The following DBNL variants were observed in gnomAD, a reference collection of about 807,000 sequenced individuals.
DBNL encodes drebrin-like protein.
Under a neutral mutation model 62.2 loss-of-function variants are expected in DBNL, and 35 were observed. The observed-to-expected ratio is 0.56, with a 90% CI of 0.43 to 0.75. The LOEUF (loss-of-function observed/expected upper bound fraction) is 0.75. Among genes scored for constraint, DBNL ranks in the 30% least tolerant of loss-of-function variants. The probability of loss-of-function intolerance (pLI) is 0.00; values close to 1 mark genes in which losing one functional copy is unlikely to be tolerated. For missense variants in DBNL, 495 were observed against 578.4 expected (o/e 0.86, Z 1.48); for synonymous variants, 197 against 218.0 (o/e 0.90, Z 0.85).
At chr7:44,056,170 C>T (rs752958494) in intron 4 of DBNL, among the ~76,000 whole-genome samples, 1 of 151,850 alleles carries the variant, frequency 6.6e-6, no homozygotes, top group Non-Finnish European at 1.5e-5. Flanking sequence ...ATGAAGGAGA[C>T]CGTCCTTTCC....
In DBNL at chr7:44,058,299, C is replaced by G. The variant is rs763610905; in HGVS notation, c.704+19C>G. On this transcript the variant is annotated intron_variant, in intron 7 of 12. Coordinates refer to ENST00000448521, the MANE Select transcript of DBNL (RefSeq NM_001014436.3). The stretch of plus-strand genomic sequence containing the variant: ...CCCAGAGGTGAGCCAGAGGTGGAGG[C>G]TGGCCTGGGGGACCCACCCTGAGGC... 1.1e-5 allele frequency: 18 copies of G among 1,576,498 alleles called. No homozygotes were observed. The highest frequency in any genetic ancestry group is 1.5e-5 in the Non-Finnish European group (17 of 1,160,466).
intron 5 of DBNL, 38 bp downstream of exon 5, chr7:44,056,941 T>C (rs1388560257): frequency 1.2e-6 from 2 of 1,611,392 alleles, no homozygotes; most frequent in Non-Finnish European, 1.7e-6. Flanking sequence ...CTTTTGTTGC[T>C]CAGGGCCTGA....
Position 44,065,441 on chromosome 7 carries a change from A to G in DBNL, c.*4525A>G. On this transcript the variant is annotated 3_prime_UTR_variant, in exon 13 of 13. Transcript: ENST00000448521. The stretch of plus-strand genomic sequence containing the variant: ...GGCCTCCTCGGTCCCCTTTTCACTC[A>G]GCTCTGCATCGAACCAGCCACAGAA... 1 of 1,614,008 alleles carries G rather than the reference A, an allele frequency of 6.2e-7. No homozygotes were observed.
In DBNL at chr7:44,064,801, A is replaced by AG; in HGVS notation, c.*3885_*3886insG. On this transcript the variant is annotated 3_prime_UTR_variant, in exon 13 of 13. Coordinates refer to ENST00000448521, the MANE Select transcript of DBNL (RefSeq NM_001014436.3). The stretch of plus-strand genomic sequence containing the variant: ...AGCCAGCTGGGGCTGCTGCCCACCC[A>AG]CCCTGCCCAGGCTCCTGAAGGTGGC... 2.8e-6 allele frequency: 2 copies of AG among 706,520 alleles called. No homozygotes were observed. The highest frequency in any genetic ancestry group is 1.8e-5 in the African/African-American group (1 of 54,138). The allele number at this position is 706,520 out of a possible 1,614,324, so 43.8% of individuals were successfully genotyped here.
chr7:44,062,775 T>G lies in DBNL; in HGVS notation c.*1859T>G, dbSNP rs758601502. On this transcript the variant is annotated 3_prime_UTR_variant, in exon 13 of 13. Transcript: ENST00000448521. Reference sequence around the variant, plus strand: ...CCCAAGCCCACCCCTCACTTGGCCTTGCCCTGGGCAGCCACAGCCTCCATG... The same window carrying G: ...CCCAAGCCCACCCCTCACTTGGCCTGGCCCTGGGCAGCCACAGCCTCCATG... The G allele has an allele frequency of 6.2e-7, 1 of 1,614,166 alleles. No homozygotes were observed. The highest frequency in any genetic ancestry group is 1.1e-5 in the South Asian group (1 of 91,084).
rs983956312 is a variant in DBNL at position 44,048,116 on chromosome 7, T to C, written c.84-2109T>C. On this transcript the variant is annotated intron_variant, in intron 1 of 12. Coordinates refer to ENST00000448521, the MANE Select transcript of DBNL (RefSeq NM_001014436.3). ...TTTTTAGTAGAGACGGGGTTTCCCA[T>C]GTTGGCCAGGCTGGTCTCAAACTCC... is the stretch of plus-strand genomic sequence containing the variant. Among the ~76,000 whole-genome samples the C allele has an allele frequency of 2.6e-5, 4 of 152,158 alleles. No homozygotes were observed. The South Asian group carries it at 8.3e-4, about 32-fold the overall frequency.
At chr7:44,049,002 A>AT (rs2096121891) in intron 1 of DBNL, among the ~76,000 whole-genome samples, 1 of 151,966 alleles carries the variant, frequency 6.6e-6, no homozygotes, top group African/African-American at 2.4e-5. Flanking sequence ...CTACGGGCAT[A>AT]TGCCACCACG....
Position 44,065,760 on chromosome 7 carries a change from T to C in DBNL, c.*4844T>C. 1.7e-6 allele frequency: 1 copy of C among 591,828 alleles called. No homozygotes were observed. Among genetic ancestry groups the C allele is most frequent in the Admixed American group, 2.8e-5 (1 of 35,554 alleles). The allele number at this position is 591,828 out of a possible 1,614,324, so 36.7% of individuals were successfully genotyped here. On this transcript the variant is annotated 3_prime_UTR_variant, in exon 13 of 13. Coordinates refer to ENST00000448521, the MANE Select transcript of DBNL (RefSeq NM_001014436.3). ...CCCACGCATCCACCAGCTCCTGGCC[T>C]GGGTTCAGGTGGCATGTCTATAACC...
At position 44,063,942 on chromosome 7, in the gene DBNL, G is replaced by C. The variant is rs930344158; in HGVS notation, c.*3026G>C. 9 of 152,058 alleles carry C rather than the reference G, an allele frequency of 5.9e-5. No individual in the cohort carries two copies. Among genetic ancestry groups the C allele is most frequent in the African/African-American group, 2.2e-4 (9 of 41,432 alleles). The allele number at this position is 152,058 out of a possible 1,614,324, so 9.4% of individuals were successfully genotyped here. A position where few individuals can be genotyped will look rare whatever the true frequency, so the allele number is the denominator to read the frequency against. On this transcript the variant is annotated 3_prime_UTR_variant, in exon 13 of 13. Coordinates refer to ENST00000448521, the MANE Select transcript of DBNL (RefSeq NM_001014436.3). ...TTCCCTCTGCCTGGCCCCAGTGCCAGGTGCCAGGTGTCCGTGTTTGGAGCG... is the reference window on the plus strand; with the variant it reads ...TTCCCTCTGCCTGGCCCCAGTGCCACGTGCCAGGTGTCCGTGTTTGGAGCG...
rs1354561927 is a variant in DBNL, at chr7:44,062,351, G to A, written c.*1435G>A. On this transcript the variant is annotated 3_prime_UTR_variant, in exon 13 of 13. Transcript: ENST00000448521. Reference sequence around the variant, plus strand: ...TCAAAGTGCCACCCGGGGGTTGCAAGGACAGCAGAGGACCACCTGCCCTCT... The same window carrying A: ...TCAAAGTGCCACCCGGGGGTTGCAAAGACAGCAGAGGACCACCTGCCCTCT... The A allele has an allele frequency of 1.2e-5, 3 of 245,634 alleles. No individual in the cohort carries two copies. Among genetic ancestry groups the A allele is most frequent in the Non-Finnish European group, 2.5e-5 (3 of 122,166 alleles). The allele number at this position is 245,634 out of a possible 1,614,324, so 15.2% of individuals were successfully genotyped here.
Position 44,065,068 on chromosome 7 carries a change from TC to T in DBNL, c.*4156del. ...CCAAGCCAGTGGGCCCCCACCCGAC[TC>T]CCCACTCTGCAGCTTCCCAGAGGCC... On this transcript the variant is annotated 3_prime_UTR_variant, in exon 13 of 13. Transcript: ENST00000448521. 2 of 1,611,338 alleles carry T rather than the reference TC, an allele frequency of 1.2e-6. No homozygotes were observed.
chr7:44,067,386 G>A lies in DBNL; in HGVS notation c.*6470G>A, dbSNP rs150815122. 4.4e-3 allele frequency: 672 copies of A among 152,300 alleles called. 6 individuals are homozygous for A. The highest frequency in any genetic ancestry group is 7.3e-3 in the Non-Finnish European group (499 of 68,046). The allele number at this position is 152,300 out of a possible 1,614,324, so 9.4% of individuals were successfully genotyped here. A position where few individuals can be genotyped will look rare whatever the true frequency, so the allele number is the denominator to read the frequency against. On this transcript the variant is annotated 3_prime_UTR_variant, in exon 13 of 13. Transcript: ENST00000448521. ...AGAAGCTGAGTACCCTGCAGGTCTCGGCAGCTTTGATGAGAACAAGGCCGC... is the reference window on the plus strand; with the variant it reads ...AGAAGCTGAGTACCCTGCAGGTCTCAGCAGCTTTGATGAGAACAAGGCCGC...
intron 1 of DBNL, 185 bp downstream of exon 1, chr7:44,045,005 C>A: frequency 1.9e-6 from 1 of 520,436 alleles, no homozygotes; most frequent in Non-Finnish European, 3.1e-6. Flanking sequence ...CTCGTGACCC[C>A]TTGCCCCGCC....
rs2096160832 is a variant in DBNL at position 44,066,756 on chromosome 7, G to A, written c.*5840G>A. ...TCTGTACCCAAAGGTTGGCAGACAA[G>A]TCCCAGTGGGCAAAGTCCTGTCGGC... On this transcript the variant is annotated 3_prime_UTR_variant, in exon 13 of 13. Transcript: ENST00000448521. 6.6e-6 allele frequency: 1 copy of A among 152,334 alleles called. No individual in the cohort carries two copies. Among genetic ancestry groups the A allele is most frequent in the Non-Finnish European group, 1.5e-5 (1 of 68,098 alleles). The allele number at this position is 152,334 out of a possible 1,614,324, so 9.4% of individuals were successfully genotyped here. A position where few individuals can be genotyped will look rare whatever the true frequency, so the allele number is the denominator to read the frequency against.
rs1447080572 is a variant in DBNL at position 44,065,652 on chromosome 7, C to T, written c.*4736C>T. On this transcript the variant is annotated 3_prime_UTR_variant, in exon 13 of 13. Transcript: ENST00000448521. ...GCCAACTGCCAATCAGCATTCCAGG[C>T]GGTGGCAGGTGACCAGTAGCTGAGC... 1.4e-5 allele frequency: 13 copies of T among 954,196 alleles called. No homozygotes were observed. Among genetic ancestry groups the T allele is most frequent in the African/African-American group, 6.4e-5 (4 of 62,578 alleles). The allele number at this position is 954,196 out of a possible 1,614,324, so 59.1% of individuals were successfully genotyped here.
chr7:44,057,542 C>T (rs1230718871), intron 5 of DBNL, among the ~76,000 whole-genome samples: 1 of 152,170 alleles, frequency 6.6e-6, no homozygotes, highest in Non-Finnish European at 1.5e-5. Flanking sequence ...CCACCAGAGA[C>T]CCCTCTAGTG....
rs2096113658 is a variant in DBNL, at chr7:44,044,758, G to T, written c.21G>T (p.Arg7=). 1.3e-6 allele frequency: 2 copies of T among 1,509,942 alleles called. No individual in the cohort carries two copies. Among genetic ancestry groups the T allele is most frequent in the Non-Finnish European group, 8.8e-7 (1 of 1,130,540 alleles). The allele number at this position is 1,509,942 out of a possible 1,614,324, so 93.5% of individuals were successfully genotyped here. The change falls in exon 1 of 13, where the codon CGG becomes CGT. Residue 7 remains arginine (R), a synonymous_variant. Transcript: ENST00000448521. MAANLS[R]NGPALQEAYV... is the part of the protein sequence containing the mutation. ...GGGCCATGGCGGCGAACCTGAGCCG[G>T]AACGGGCCAGCGCTGCAAGAGGCCT...
chr7:44,062,913 T>A lies in DBNL; in HGVS notation c.*1997T>A, dbSNP rs754757980. 5.0e-6 allele frequency: 8 copies of A among 1,614,186 alleles called. No individual in the cohort carries two copies. In the South Asian group the frequency reaches 8.8e-5, roughly 18 times the overall value. Reference sequence around the variant, plus strand: ...CCCGTGGGCAGGTTCAGCTCCATGATCGCCTGGTCTGACATCCCTATGCCG... The same window carrying A: ...CCCGTGGGCAGGTTCAGCTCCATGAACGCCTGGTCTGACATCCCTATGCCG... On this transcript the variant is annotated 3_prime_UTR_variant, in exon 13 of 13. Coordinates refer to ENST00000448521, the MANE Select transcript of DBNL (RefSeq NM_001014436.3).
At position 44,065,133 on chromosome 7, in the gene DBNL, A is replaced by G; in HGVS notation, c.*4217A>G. ...CAGCCCACCTTGCTAATGGAGTTGT[A>G]GTAGGGGTGCTTCTCGTCCATCGGG... is the stretch of plus-strand genomic sequence containing the variant. On this transcript the variant is annotated 3_prime_UTR_variant, in exon 13 of 13. Coordinates refer to ENST00000448521, the MANE Select transcript of DBNL (RefSeq NM_001014436.3). The G allele has an allele frequency of 6.2e-7, 1 of 1,613,964 alleles. No individual in the cohort carries two copies. The highest frequency in any genetic ancestry group is 8.5e-7 in the Non-Finnish European group (1 of 1,180,000).
Sources: allele counts gnomAD v4.1 joint callset (sites outside exome capture counted in the v4.1 genomes callset), GRCh38; gene constraint gnomAD v4.1.1; transcripts MANE v1.5; gene names NCBI Gene and HGNC (gene_info 2026-07-23, HGNC 2026-07-21).